Variants in OSBPL10 observed in about 807,000 individuals in gnomAD.
The protein encoded by OSBPL10 is oxysterol binding protein like 10.
OSBPL10 carries 49 observed loss-of-function variants against 81.7 expected under a neutral mutation model. The observed-to-expected ratio is 0.60, with a 90% CI of 0.48 to 0.76. The LOEUF (loss-of-function observed/expected upper bound fraction) is 0.76. Among genes scored for constraint, OSBPL10 ranks in the 30% least tolerant of loss-of-function variants. The probability of loss-of-function intolerance (pLI) is 0.00; values close to 1 mark genes in which losing one functional copy is unlikely to be tolerated. For synonymous variants in OSBPL10, 419 were observed against 383.6 expected (o/e 1.09, Z -1.08); for missense variants, 923 against 987.8 (o/e 0.93, Z 0.88).
intron 1 of OSBPL10, among the ~76,000 whole-genome samples, chr3:32,053,662 G>T (rs1575093280): frequency 6.6e-6 from 1 of 152,204 alleles, no homozygotes; most frequent in Middle Eastern, 3.4e-3. Flanking sequence ...TCTTGAATAA[G>T]ATTTTCATGT....
intron 8 of OSBPL10, among the ~76,000 whole-genome samples, chr3:31,677,349 G>T (rs1448570628): frequency 1.3e-5 from 2 of 152,120 alleles, no homozygotes; most frequent in Non-Finnish European, 1.5e-5. Flanking sequence ...CGCAGCTACT[G>T]AAGGGACTTA....
At chr3:32,066,033 GAGAGAA>G (rs1699777421) in intron 1 of OSBPL10, among the ~76,000 whole-genome samples, 2 of 85,124 alleles carry the variant, frequency 2.3e-5, no homozygotes, top group African/African-American at 5.9e-5. Flanking sequence ...AAGAGAGAGA[GAGAGAA>G]AGAGAAAGAG....
Position 31,733,400 on chromosome 3 carries a change from C to T in OSBPL10, c.952G>A (p.Gly318Arg), listed in dbSNP as rs1697036342. ...GAATGTGACTTGGACCCGTGCCATC[C>T]CAGGATGTTTTCTGAAATAAAGACC... ...QKPGASENIL[G>R]WHGSKSHSTE... Residue 318 changes from glycine to arginine, a missense_variant, in exon 6 of 12, where the codon GGA becomes AGA. This residue lies in a region of OSBPL10 where 514 missense variants were observed against 508.0 expected (regional missense o/e 1.01). Transcript: ENST00000396556. 7 of 1,614,090 alleles carry T rather than the reference C, an allele frequency of 4.3e-6. No individual in the cohort carries two copies. The highest frequency in any genetic ancestry group is 3.4e-6 in the Non-Finnish European group (4 of 1,180,018).
intron 1 of OSBPL10, among the ~76,000 whole-genome samples, chr3:31,953,821 G>A (rs1697935926): frequency 6.6e-6 from 1 of 152,212 alleles, no homozygotes; most frequent in Non-Finnish European, 1.5e-5. Context: ...ATGTTCAAAA[G>A]CTCTATGTGT....
intron 2 of OSBPL10, among the ~76,000 whole-genome samples, chr3:32,021,983 A>AAC (rs1699366840): frequency 4.0e-5 from 6 of 151,236 alleles, no homozygotes; most frequent in Non-Finnish European, 8.9e-5. Flanking sequence ...TGTCTCGAAA[A>AAC]AAAAAAAAGT....
At chr3:32,071,213 A>G (rs1037202882) in intron 1 of OSBPL10, among the ~76,000 whole-genome samples, 4 of 152,206 alleles carry the variant, frequency 2.6e-5, no homozygotes, top group Admixed American at 2.0e-4. Flanking sequence ...CTCCCTGCCA[A>G]TTGGGTCTGA....
chr3:31,832,429 C>T (rs1422597916), intron 3 of OSBPL10, among the ~76,000 whole-genome samples: 1 of 152,150 alleles, frequency 6.6e-6, no homozygotes, highest in East Asian at 1.9e-4. Flanking sequence ...TACTTCATCT[C>T]AGCTTGAGAA....
intron 7 of OSBPL10, among the ~76,000 whole-genome samples, chr3:31,691,142 G>A (rs758094294): frequency 1.3e-5 from 2 of 151,968 alleles, no homozygotes; most frequent in African/African-American, 2.4e-5. Flanking sequence ...CTTTTCTTCC[G>A]TTAACATAAT....
intron 1 of OSBPL10, among the ~76,000 whole-genome samples, chr3:31,905,704 A>G (rs1696390546): frequency 6.6e-6 from 1 of 152,078 alleles, no homozygotes; most frequent in South Asian, 2.1e-4. Context: ...GTGAGAGAGG[A>G]GGACAAAGAT....
At chr3:31,956,890 TGG>T (rs960150018) in intron 1 of OSBPL10, among the ~76,000 whole-genome samples, 2 of 152,086 alleles carry the variant, frequency 1.3e-5, no homozygotes, top group African/African-American at 4.8e-5. Context: ...CTCAGTACTT[TGG>T]GAGCCTGAGG....
At chr3:31,936,603 T>C (rs1697384554) in intron 1 of OSBPL10, among the ~76,000 whole-genome samples, 1 of 152,170 alleles carries the variant, frequency 6.6e-6, no homozygotes, top group Non-Finnish European at 1.5e-5. Context: ...TCCATTTCCA[T>C]GACACACACA....
chr3:31,978,299 C>A (rs993672338), intron 1 of OSBPL10, among the ~76,000 whole-genome samples: 7 of 152,182 alleles, frequency 4.6e-5, no homozygotes, highest in African/African-American at 1.7e-4. Flanking sequence ...CAGCAGGAAT[C>A]AGTTGGCTAA....
intron 2 of OSBPL10, among the ~76,000 whole-genome samples, chr3:32,021,021 T>G (rs1461215928): frequency 1.3e-5 from 2 of 152,232 alleles, no homozygotes; most frequent in Admixed American, 1.3e-4. Flanking sequence ...ACTTGGACTT[T>G]CCTGTGTGTA....
chr3:31,680,019 C>CT (rs1282204454), intron 8 of OSBPL10, among the ~76,000 whole-genome samples: 1 of 152,084 alleles, frequency 6.6e-6, no homozygotes, highest in East Asian at 1.9e-4. Flanking sequence ...GCTGAAACAC[C>CT]TTTTTGAAAC....
Position 32,025,674 on chromosome 3 carries a change from G to A in OSBPL10, n.298+20817C>T, listed in dbSNP as rs1433633409. 4.5e-4 allele frequency among the ~76,000 whole-genome samples: 68 copies of A among 152,022 alleles called. 1 individual carries two copies. The highest frequency in any genetic ancestry group is 4.5e-3 in the Admixed American group (68 of 15,258). ...AGCCAGTTCAATTTCTTTACTTGTA[G>A]GTCTATCAAGCTTTTCTATTTTTTC... On this transcript the variant is annotated intron_variant and non_coding_transcript_variant, in intron 2 of 3. Transcript: ENST00000479173.
rs1485968747 is a variant in OSBPL10 at position 31,783,146 on chromosome 3, T to TATATATATACACAC, written c.730-35027_730-35026insGTGTGTATATATAT. Reference sequence around the variant, plus strand: ...ATATATATATATATATATATATATATACACACACACCATAGAATACTACTC... The same window carrying TATATATATACACAC: ...ATATATATATATATATATATATATATATATATATACACACACACACACACCATAGAATACTACTC... On this transcript the variant is annotated intron_variant, in intron 4 of 11. Transcript: ENST00000396556. Among the ~76,000 whole-genome samples, 47 of 112,940 alleles carry TATATATATACACAC rather than the reference T, an allele frequency of 4.2e-4. 1 individual carries two copies. Among genetic ancestry groups the TATATATATACACAC allele is most frequent in the South Asian group, 5.6e-4 (2 of 3,572 alleles). The allele number at this position is 112,940 out of a possible 152,430, so 74.1% of individuals were successfully genotyped here. A position where few individuals can be genotyped will look rare whatever the true frequency, so the allele number is the denominator to read the frequency against.
chr3:32,013,970 A>G (rs1699288952), intron 2 of OSBPL10, among the ~76,000 whole-genome samples: 1 of 152,206 alleles, frequency 6.6e-6, no homozygotes, highest in Admixed American at 6.5e-5. Flanking sequence ...AGCAACCAAA[A>G]AAAGTACAGG....
At chr3:31,965,361 C>T (rs1176098747) in intron 1 of OSBPL10, among the ~76,000 whole-genome samples, 1 of 116,034 alleles carries the variant, frequency 8.6e-6, no homozygotes, top group Non-Finnish European at 1.6e-5. Context: ...CAGAGCAAGA[C>T]TCCATCTCAA....
chr3:31,958,428 G>A (rs1307591585), intron 1 of OSBPL10, among the ~76,000 whole-genome samples: 3 of 152,104 alleles, frequency 2.0e-5, no homozygotes, highest in African/African-American at 7.2e-5. Context: ...GATATATGGT[G>A]TGTTATGCTT....
Sources: gnomAD v4.1 joint callset for allele counts (sites outside exome capture counted in the v4.1 genomes callset) on GRCh38, gnomAD v4.1.1 for gene constraint, gnomAD v4.1.1 regional missense constraint, MANE v1.5 for transcripts, NCBI Gene and HGNC (gene_info 2026-07-23, HGNC 2026-07-21) for gene names.